CORO2B: variants seen among roughly 807,000 people sequenced by gnomAD.
The protein encoded by CORO2B is coronin-2B.
In CORO2B, 26 loss-of-function variants were observed where a neutral mutation model predicts 58.8. That is an observed-to-expected ratio of 0.44 (90% confidence interval 0.32 to 0.61). The LOEUF is 0.61. Ranked by LOEUF, CORO2B falls within the 20% of genes least tolerant of loss-of-function variation. The pLI is 0.04. For synonymous variants in CORO2B, 242 were observed against 253.8 expected, an observed-to-expected ratio of 0.95 and a Z score of 0.44; for missense variants, 460 against 645.1, an observed-to-expected ratio of 0.71 and a Z score of 3.11.
intron 2 of CORO2B, among the ~76,000 whole-genome samples, chr15:68,650,374 A>ATTGG (rs1566995963): frequency 1.6e-4 from 3 of 18,362 alleles, no homozygotes; most frequent in Admixed American, 1.3e-3. Flanking sequence ...AAAAAAAAAA[A>ATTGG]AAAAAAAAAA....
intron 1 of CORO2B, among the ~76,000 whole-genome samples, chr15:68,631,740 G>C (rs1249037758): frequency 1.2e-4 from 18 of 152,236 alleles, no homozygotes; most frequent in Non-Finnish European, 5.9e-5. Context: ...GTTCAGGGGA[G>C]GGTAGGTCCC....
At position 68,645,434 on chromosome 15, in the gene CORO2B, T is replaced by G. The variant is rs1305226169; in HGVS notation, c.216+74T>G. On this transcript the variant is annotated intron_variant, in intron 2 of 11. Coordinates refer to ENST00000261861, the MANE Select transcript of CORO2B (RefSeq NM_006091.5). This position sits in a 1 kb window ranked among gnomAD's most constrained non-coding sequence, Gnocchi z 4.5. ...AGCCCTCCTTGGTCTCTCTTAGGCCTGTTGACCCTACTTCTCTCTGAGTTC... is the reference window on the plus strand; with the variant it reads ...AGCCCTCCTTGGTCTCTCTTAGGCCGGTTGACCCTACTTCTCTCTGAGTTC... The G allele has an allele frequency of 1.4e-6, 2 of 1,411,482 alleles. No homozygotes were observed. Among genetic ancestry groups the G allele is most frequent in the East Asian group, 4.6e-5 (2 of 43,182 alleles). 87.4% of individuals were successfully genotyped at this position (1,411,482 alleles called of 1,614,324 possible).
chr15:68,726,042 T>A lies in CORO2B; in HGVS notation c.*68T>A. The A allele has an allele frequency of 6.3e-7, 1 of 1,587,964 alleles. No homozygotes were observed. The highest frequency in any genetic ancestry group is 8.5e-7 in the Non-Finnish European group (1 of 1,170,932). On this transcript the variant is annotated 3_prime_UTR_variant, in exon 12 of 12. Coordinates refer to ENST00000261861, the MANE Select transcript of CORO2B (RefSeq NM_006091.5). ...TCTACTCATCCCTTAACTTCTCCCTTACCAGTGACCCCAGAGACAGAGCCA... is the reference window on the plus strand; with the variant it reads ...TCTACTCATCCCTTAACTTCTCCCTAACCAGTGACCCCAGAGACAGAGCCA...
At chr15:68,703,433 G>T (rs750191397) in intron 3 of CORO2B, among the ~76,000 whole-genome samples, 1 of 152,090 alleles carries the variant, frequency 6.6e-6, no homozygotes, top group Non-Finnish European at 1.5e-5. Context: ...TTACAGGTGT[G>T]AGCCACCTCG....
At chr15:68,651,464 G>C (rs1901641280) in intron 2 of CORO2B, among the ~76,000 whole-genome samples, 1 of 152,206 alleles carries the variant, frequency 6.6e-6, no homozygotes, top group African/African-American at 2.4e-5. Flanking sequence ...CACCCCCTCA[G>C]TTTGATAGAA....
chr15:68,587,049 TACACACACACACACACAC>T (rs58729813), intron 1 of CORO2B, among the ~76,000 whole-genome samples: 3 of 57,888 alleles, frequency 5.2e-5, no homozygotes, highest in African/African-American at 1.4e-4. Context: ...GAGATATGTA[TACACACACACACACACAC>T]ACACACACAC....
chr15:68,607,486 G>A (rs763529429), intron 1 of CORO2B, among the ~76,000 whole-genome samples: 2 of 152,136 alleles, frequency 1.3e-5, no homozygotes, highest in South Asian at 4.1e-4. Context: ...GATTCCACTG[G>A]AGAGGACATG....
intron 2 of CORO2B, among the ~76,000 whole-genome samples, chr15:68,675,968 A>G (rs1282288099): frequency 6.6e-6 from 1 of 152,028 alleles, no homozygotes; most frequent in East Asian, 1.9e-4. Flanking sequence ...TAGAACAGAA[A>G]TGGAATAGAA....
chr15:68,553,589 AAGTTTGTGCT>A, the CORO2B span, among the ~76,000 whole-genome samples: 2 of 152,226 alleles, frequency 1.3e-5, no homozygotes, highest in East Asian at 1.9e-4. Context: ...GTAGGAGAGT[AAGTTTGTGCT>A]ATTTTAAACC....
intron 1 of CORO2B, among the ~76,000 whole-genome samples, chr15:68,633,767 A>T (rs1390272808): frequency 6.6e-6 from 1 of 152,232 alleles, no homozygotes; most frequent in East Asian, 1.9e-4. Flanking sequence ...GAGATACTAC[A>T]ACGGAGCCGG....
intron 1 of CORO2B, among the ~76,000 whole-genome samples, chr15:68,634,725 C>T (rs1172349734): frequency 2.0e-5 from 3 of 152,192 alleles, no homozygotes; most frequent in African/African-American, 4.8e-5. Flanking sequence ...ACAAGCCCAC[C>T]GGGTAATTGT....
chr15:68,577,939 G>C (rs1309219546), upstream of CORO2B, among the ~76,000 whole-genome samples: 1 of 152,102 alleles, frequency 6.6e-6, no homozygotes, highest in African/African-American at 2.4e-5. Flanking sequence ...TTACCGTGGA[G>C]CAGGAAGCCA....
intron 4 of CORO2B, among the ~76,000 whole-genome samples, chr15:68,711,182 A>G (rs1892907792): frequency 6.6e-6 from 1 of 152,082 alleles, no homozygotes; most frequent in South Asian, 2.1e-4. Context: ...AGAGGTGGCA[A>G]AAGGGGTAAC....
intron 1 of CORO2B, among the ~76,000 whole-genome samples, chr15:68,595,005 C>T (rs191693947): frequency 2.6e-5 from 4 of 152,294 alleles, no homozygotes; most frequent in African/African-American, 7.2e-5. Context: ...TCTAGCTGTC[C>T]GTGCAGTTCT....
At chr15:68,543,697 A>G in the CORO2B span, among the ~76,000 whole-genome samples, 1 of 152,028 alleles carries the variant, frequency 6.6e-6, no homozygotes, top group Non-Finnish European at 1.5e-5. Flanking sequence ...ATCAACTTCT[A>G]TCGACTCCTA....
chr15:68,706,015 C>T (rs74020283), intron 3 of CORO2B, among the ~76,000 whole-genome samples: 1,610 of 152,272 alleles, frequency 0.011, 25 homozygotes, highest in African/African-American at 0.033. Flanking sequence ...AGAGATGCCT[C>T]AGTTACTGGG....
intron 1 of CORO2B, among the ~76,000 whole-genome samples, chr15:68,609,835 C>T (rs1359794884): frequency 6.6e-6 from 1 of 152,162 alleles, no homozygotes; most frequent in Non-Finnish European, 1.5e-5. Context: ...GCGTCACTGA[C>T]TGTGATGGCA....
the CORO2B span, among the ~76,000 whole-genome samples, chr15:68,533,267 T>A: frequency 6.6e-6 from 1 of 152,238 alleles, no homozygotes; most frequent in Non-Finnish European, 1.5e-5. Flanking sequence ...TCAATCTGTT[T>A]GCTAGTTTAC....
intron 1 of CORO2B, among the ~76,000 whole-genome samples, chr15:68,595,465 T>TG (rs1039767800): frequency 3.9e-5 from 6 of 152,248 alleles, no homozygotes; most frequent in African/African-American, 1.4e-4. Context: ...CCCTGAGCCA[T>TG]GCAGCAGGGC....
Sources: gnomAD v4.1 joint callset for allele counts (sites outside exome capture counted in the v4.1 genomes callset) on GRCh38, gnomAD v4.1.1 for gene constraint, Gnocchi (gnomAD v3.1) non-coding constraint, MANE v1.5 for transcripts, NCBI Gene and HGNC (gene_info 2026-07-23, HGNC 2026-07-21) for gene names.